The following RIT2 variants were observed in gnomAD, a reference collection of about 807,000 sequenced individuals.
RIT2 encodes the protein GTP-binding protein Rit2.
RIT2 carries 24 observed loss-of-function variants against 23.7 expected under a neutral mutation model. The observed-to-expected ratio is 1.01, with a 90% confidence interval of 0.73 to 1.43. The LOEUF is 1.43. Among genes scored for constraint, RIT2 ranks in the 40% most tolerant of loss-of-function variants. RIT2 has a pLI of 0.00. For missense variants in RIT2, 236 were observed against 266.9 expected (o/e 0.88, Z 0.81); for synonymous variants, 107 against 91.1 (o/e 1.17, Z -0.99).
chr18:42,757,061 A>G (rs1234081733), intron 4 of RIT2, among the ~76,000 whole-genome samples: 3 of 152,212 alleles, frequency 2.0e-5, no homozygotes, highest in African/African-American at 7.2e-5. Context: ...ACCATGTTCA[A>G]TAAACACCTT....
chr18:42,831,911 C>T (rs536191631), intron 4 of RIT2, among the ~76,000 whole-genome samples: 303 of 152,232 alleles, frequency 2.0e-3, no homozygotes, highest in African/African-American at 6.7e-3. Context: ...TGGCTGTGAC[C>T]CTACACTAAT....
At chr18:43,104,961 A>G (rs1174746417) in intron 1 of RIT2, among the ~76,000 whole-genome samples, 1 of 152,138 alleles carries the variant, frequency 6.6e-6, no homozygotes, top group Non-Finnish European at 1.5e-5. Context: ...AAAACAATAC[A>G]CAAATTGGAA....
intron 1 of RIT2, among the ~76,000 whole-genome samples, chr18:43,046,032 T>G (rs1415946943): frequency 4.6e-5 from 7 of 152,138 alleles, no homozygotes; most frequent in Non-Finnish European, 8.8e-5. Context: ...ACAACATATG[T>G]GAAATGACAT....
At chr18:43,108,925 T>C (rs1379867447) in intron 1 of RIT2, among the ~76,000 whole-genome samples, 1 of 152,230 alleles carries the variant, frequency 6.6e-6, no homozygotes, top group Non-Finnish European at 1.5e-5. Flanking sequence ...AGGGTTAGGA[T>C]AACGCATGGC....
chr18:42,772,229 T>G, intron 4 of RIT2, among the ~76,000 whole-genome samples: 1 of 152,122 alleles, frequency 6.6e-6, no homozygotes, highest in East Asian at 1.9e-4. Flanking sequence ...TCCTCTTCCT[T>G]CAGAATTTCT....
intron 3 of RIT2, among the ~76,000 whole-genome samples, chr18:42,942,637 A>C (rs543838238): frequency 6.6e-6 from 1 of 152,154 alleles, no homozygotes; most frequent in East Asian, 1.9e-4. Context: ...CATATGCCAA[A>C]GCTGTGTCCA....
At chr18:43,015,833 A>G (rs1318962126) in intron 2 of RIT2, among the ~76,000 whole-genome samples, 2 of 151,802 alleles carry the variant, frequency 1.3e-5, no homozygotes, top group Non-Finnish European at 2.9e-5. Flanking sequence ...TCTTAGAAGT[A>G]GAGTAAAACA....
chr18:42,888,920 G>A (rs1908099701), intron 4 of RIT2, among the ~76,000 whole-genome samples: 1 of 152,040 alleles, frequency 6.6e-6, no homozygotes, highest in South Asian at 2.1e-4. Flanking sequence ...AAGAAGGAAG[G>A]AGGAGAGTAG....
At chr18:42,761,993 T>C (rs1240078240) in intron 4 of RIT2, among the ~76,000 whole-genome samples, 2 of 152,186 alleles carry the variant, frequency 1.3e-5, no homozygotes, top group African/African-American at 2.4e-5. Context: ...CTGGTAGAGA[T>C]GTAAGCCAAG....
intron 1 of RIT2, among the ~76,000 whole-genome samples, chr18:43,036,514 T>A (rs533325021): frequency 1.3e-5 from 2 of 152,226 alleles, no homozygotes; most frequent in East Asian, 3.9e-4. Context: ...CACTCCAGCC[T>A]GGGTGACACA....
intron 1 of RIT2, among the ~76,000 whole-genome samples, chr18:43,094,476 G>A (rs1913503554): frequency 6.6e-6 from 1 of 151,802 alleles, no homozygotes; most frequent in South Asian, 2.1e-4. Context: ...GACATTAGAA[G>A]GGTTAAAAAA....
chr18:43,091,794 C>T (rs1048944582), intron 1 of RIT2, among the ~76,000 whole-genome samples: 1 of 152,046 alleles, frequency 6.6e-6, no homozygotes, highest in Non-Finnish European at 1.5e-5. Flanking sequence ...CTCTTCTCTG[C>T]CTGCAATAAT....
rs528565482 is a variant in RIT2 at position 42,783,202 on chromosome 18, A to C, written c.427-39482T>G. Among the ~76,000 whole-genome samples the C allele has an allele frequency of 2.0e-5, 3 of 152,224 alleles. No homozygotes were observed. In the South Asian group the frequency reaches 6.2e-4, roughly 32 times the overall value. On this transcript the variant is annotated intron_variant, in intron 4 of 4. Transcript: ENST00000326695. ...GTGTATATCACTCAAAATAATAAGG[A>C]AACCAAGGCAAAAGTGAGGATAGTG...
intron 4 of RIT2, among the ~76,000 whole-genome samples, chr18:42,813,016 T>C (rs1361793109): frequency 6.6e-6 from 1 of 152,232 alleles, no homozygotes. Context: ...TATTAGATCC[T>C]AAAGTTAGGT....
At chr18:42,899,297 A>G (rs1438635249) in intron 4 of RIT2, among the ~76,000 whole-genome samples, 1 of 150,938 alleles carries the variant, frequency 6.6e-6, no homozygotes, top group Non-Finnish European at 1.5e-5. Flanking sequence ...CACAGAAACA[A>G]TCTAAATACC....
chr18:42,811,042 A>T (rs1424547135), intron 4 of RIT2, among the ~76,000 whole-genome samples: 3 of 152,006 alleles, frequency 2.0e-5, no homozygotes, highest in Non-Finnish European at 4.4e-5. Context: ...TCAACTTTAG[A>T]AATGTGCAGA....
In RIT2 at chr18:42,923,650, G is replaced by C; in HGVS notation, c.348C>G (p.Leu116=). 1 of 1,613,378 alleles carries C rather than the reference G, an allele frequency of 6.2e-7. No homozygotes were observed. The highest frequency in any genetic ancestry group is 8.5e-7 in the Non-Finnish European group (1 of 1,179,636). ...SFQEAAKFKE[L]IFQVRHTYEI... is the part of the protein sequence containing the mutation. ...CATAGGTGTGGCGGACCTGAAAAAT[G>C]AGCTCTTTAAACTTGGCAGCCTCCT... Residue 116 remains leucine (L), a synonymous_variant, in exon 4 of 5, where the codon CTC becomes CTG. Transcript: ENST00000326695.
At chr18:43,050,177 C>T (rs1364034024) in intron 1 of RIT2, among the ~76,000 whole-genome samples, 1 of 151,248 alleles carries the variant, frequency 6.6e-6, no homozygotes, top group African/African-American at 2.4e-5. Flanking sequence ...CAAGTGTGCA[C>T]CACCAGGACA....
intron 2 of RIT2, among the ~76,000 whole-genome samples, chr18:43,031,441 A>G (rs1436852291): frequency 6.6e-6 from 1 of 151,958 alleles, no homozygotes; most frequent in Non-Finnish European, 1.5e-5. Flanking sequence ...AGTGTAATAA[A>G]GAAGTCTCCT....
Sources: gnomAD v4.1 joint callset for allele counts (sites outside exome capture counted in the v4.1 genomes callset) on GRCh38, gnomAD v4.1.1 for gene constraint, MANE v1.5 for transcripts, NCBI Gene and HGNC (gene_info 2026-07-23, HGNC 2026-07-21) for gene names.